The following MTSS1 variants were observed in gnomAD, a reference collection of about 807,000 sequenced individuals.
MTSS1 encodes MTSS I-BAR domain containing 1, also known as protein MTSS 1.
A neutral mutation model predicts 79.0 loss-of-function variants in MTSS1; 18 were observed. That is an observed-to-expected ratio of 0.23 (90% CI 0.16 to 0.34). MTSS1 has a LOEUF of 0.34. MTSS1 is among the 10% of genes least tolerant of loss of function. The pLI is 1.00. For missense variants in MTSS1, 815 were observed against 986.2 expected (o/e 0.83, Z 2.33); for synonymous variants, 341 against 368.6 (o/e 0.93, Z 0.86).
intron 3 of MTSS1, among the ~76,000 whole-genome samples, chr8:124,621,152 T>C (rs1384536789): frequency 2.0e-5 from 3 of 152,152 alleles, no homozygotes; most frequent in African/African-American, 7.2e-5. Flanking sequence ...AAGAAAACAA[T>C]GACAATACTG....
intron 3 of MTSS1, among the ~76,000 whole-genome samples, chr8:124,671,089 A>G (rs1014910880): frequency 1.3e-5 from 2 of 151,386 alleles, no homozygotes; most frequent in Admixed American, 6.6e-5. Context: ...CAATGCCAAT[A>G]AGCTCATTGG....
rs762340080 is a variant in MTSS1, at chr8:124,555,696, G to C, written c.1567+46C>G. On this transcript the variant is annotated intron_variant, in intron 13 of 13. Transcript: ENST00000518547. Reference sequence around the variant, plus strand: ...CCAGCAGTTTTCTATCTCCTCACCTGGTGCTGCTCAGAAAGCCTAAGTGCA... The same window carrying C: ...CCAGCAGTTTTCTATCTCCTCACCTCGTGCTGCTCAGAAAGCCTAAGTGCA... The C allele has an allele frequency of 5.2e-6, 8 of 1,524,938 alleles. 1 individual carries two copies. In the South Asian group the frequency reaches 1.0e-4, roughly 20 times the overall value. 94.5% of individuals were successfully genotyped at this position (1,524,938 alleles called of 1,614,324 possible).
At chr8:124,645,317 C>T (rs969018832) in intron 3 of MTSS1, among the ~76,000 whole-genome samples, 2 of 152,150 alleles carry the variant, frequency 1.3e-5, no homozygotes, top group African/African-American at 4.8e-5. Context: ...TGTTTGAGCC[C>T]AAGAGGTTGC....
At position 124,599,124 on chromosome 8, in the gene MTSS1, T is replaced by C. The variant is rs147410142; in HGVS notation, c.209-7889A>G. 5.8e-3 allele frequency among the ~76,000 whole-genome samples: 878 copies of C among 152,292 alleles called. 6 individuals are homozygous for C. The highest frequency in any genetic ancestry group is 0.02 in the African/African-American group (826 of 41,560). ...TGCTGATGGAAGGGACCCTGTGCGCTTGAACAGCAGCTCCCGTTCCCCCAC... is the reference window on the plus strand; with the variant it reads ...TGCTGATGGAAGGGACCCTGTGCGCCTGAACAGCAGCTCCCGTTCCCCCAC... On this transcript the variant is annotated intron_variant, in intron 3 of 13. Coordinates refer to ENST00000518547, the MANE Select transcript of MTSS1 (RefSeq NM_014751.6).
At chr8:124,663,505 G>GC (rs1563956293) in intron 3 of MTSS1, among the ~76,000 whole-genome samples, 1 of 149,212 alleles carries the variant, frequency 6.7e-6, no homozygotes, top group Non-Finnish European at 1.5e-5. Flanking sequence ...ACCCCCACCC[G>GC]CCCAATCCAT....
chr8:124,710,718 G>A (rs142347364), intron 1 of MTSS1, among the ~76,000 whole-genome samples: 65 of 152,290 alleles, frequency 4.3e-4, no homozygotes, highest in African/African-American at 1.3e-3. Context: ...GCTGGTGACC[G>A]GTGCTCCATA....
intron 3 of MTSS1, chr8:124,673,443 G>A (rs1254774154): frequency 2.6e-5 from 4 of 151,870 alleles, no homozygotes; most frequent in African/African-American, 9.7e-5. Context: ...GTAAAAGCTG[G>A]TCACAAGCAC....
At position 124,644,831 on chromosome 8, in the gene MTSS1, A is replaced by AAG. The variant is rs397790180; in HGVS notation, c.209-53597_209-53596insCT. Reference sequence around the variant, plus strand: ...CTAAGTCATCCGATTATGATTCAGTATAAGAGGGCTTAAAACATTTTATGG... The same window carrying AAG: ...CTAAGTCATCCGATTATGATTCAGTAAGTAAGAGGGCTTAAAACATTTTATGG... On this transcript the variant is annotated intron_variant, in intron 3 of 13. Transcript: ENST00000518547. 7.2e-3 allele frequency among the ~76,000 whole-genome samples: 1,099 copies of AAG among 152,170 alleles called. 7 individuals carry two copies. Among genetic ancestry groups the AAG allele is most frequent in the Non-Finnish European group, 0.01 (707 of 68,008 alleles).
In MTSS1 at chr8:124,680,256, G is replaced by A. The variant is rs61433042; in HGVS notation, c.208+19270C>T. ...TGTGTCCAAGCAGGACAACTCAATC[G>A]CAGGCTCAGGAATTAGATATTGAGA... On this transcript the variant is annotated intron_variant, in intron 3 of 13. Transcript: ENST00000518547. 1.6e-3 allele frequency among the ~76,000 whole-genome samples: 248 copies of A among 152,328 alleles called. 1 individual carries two copies. The highest frequency in any genetic ancestry group is 4.2e-3 in the African/African-American group (176 of 41,562).
chr8:124,562,373 C>T (rs924481268), intron 10 of MTSS1, among the ~76,000 whole-genome samples: 2 of 152,230 alleles, frequency 1.3e-5, no homozygotes, highest in Non-Finnish European at 2.9e-5. Context: ...ATCGGAAGCG[C>T]TATTCAACCA....
At chr8:124,612,578 G>GTGTGTGTA (rs1836037678) in intron 3 of MTSS1, among the ~76,000 whole-genome samples, 1 of 46,218 alleles carries the variant, frequency 2.2e-5, no homozygotes, top group Non-Finnish European at 3.8e-5. Context: ...TTTAAAATGT[G>GTGTGTGTA]TGTGTGTGTG....
At position 124,557,874 on chromosome 8, in the gene MTSS1, A is replaced by G. The variant is rs918450402; in HGVS notation, c.1037T>C (p.Leu346Ser). ...ACTATAGTGAGAAAACCCGTTAGAC[A>G]ACTGGAAACAAACAAAAAAAGGGGG... ...SPMPPEAPNQ[L>S]SNGFSHYSLS... The change falls in exon 11 of 14, where the codon TTG (leucine) becomes TCG (serine). Residue 346 changes from leucine to serine, a missense_variant and splice_region_variant. This residue lies in a region of MTSS1 where 590 missense variants were observed against 620.8 expected (regional missense o/e 0.95). Transcript: ENST00000518547. 1.3e-6 allele frequency: 2 copies of G among 1,575,006 alleles called. No homozygotes were observed. The highest frequency in any genetic ancestry group is 2.7e-5 in the African/African-American group (2 of 73,912).
At chr8:124,603,026 ACT>A (rs1455167317) in intron 3 of MTSS1, among the ~76,000 whole-genome samples, 2 of 151,504 alleles carry the variant, frequency 1.3e-5, no homozygotes, top group South Asian at 2.1e-4. Flanking sequence ...TGGGCATCCC[ACT>A]CTTTTTGTTC....
chr8:124,672,107 T>G (rs1207919448), intron 3 of MTSS1, among the ~76,000 whole-genome samples: 3 of 152,216 alleles, frequency 2.0e-5, no homozygotes, highest in Non-Finnish European at 2.9e-5. Flanking sequence ...GAATGTAATT[T>G]TTTCAGCATT....
Position 124,597,061 on chromosome 8 carries a change from A to G in MTSS1, c.209-5826T>C, listed in dbSNP as rs891966528. Among the ~76,000 whole-genome samples, 1 of 152,156 alleles carries G rather than the reference A, an allele frequency of 6.6e-6. No individual in the cohort carries two copies. The highest frequency in any genetic ancestry group is 6.5e-5 in the Admixed American group (1 of 15,274). On this transcript the variant is annotated intron_variant, in intron 3 of 13. Transcript: ENST00000518547. This position sits in a 1 kb window ranked among gnomAD's most constrained non-coding sequence, Gnocchi z 4.6. The stretch of plus-strand genomic sequence containing the variant: ...TCTTTCTGGGGGTGCGCCGCAGTCC[A>G]CGGCCCACATCCTACCGTGCAGCAA...
chr8:124,591,417 G>A (rs1324919372), intron 3 of MTSS1, among the ~76,000 whole-genome samples, 182 bp from the exon 4 acceptor site: 4 of 152,234 alleles, frequency 2.6e-5, no homozygotes, highest in Non-Finnish European at 5.9e-5. Flanking sequence ...ATGTATGTAC[G>A]TATGGTGACA....
chr8:124,663,856 C>A (rs965769633), intron 3 of MTSS1, among the ~76,000 whole-genome samples: 1 of 152,158 alleles, frequency 6.6e-6, no homozygotes, highest in Non-Finnish European at 1.5e-5. Flanking sequence ...GGACAGGAAA[C>A]GCCATGACAG....
At chr8:124,694,489 T>C (rs138907117) in intron 3 of MTSS1, among the ~76,000 whole-genome samples, 1 of 151,886 alleles carries the variant, frequency 6.6e-6, no homozygotes. Context: ...AATCTTAAAT[T>C]TGTTACCCTA....
At chr8:124,556,548 T>C in intron 11 of MTSS1, 143 bp from the exon 12 acceptor site, 1 of 898,258 alleles carries the variant, frequency 1.1e-6, no homozygotes, top group East Asian at 2.7e-5. Context: ...GCCCTCTGCA[T>C]GCCCTCTCCA....
Sources: allele counts gnomAD v4.1 joint callset (sites outside exome capture counted in the v4.1 genomes callset), GRCh38; gene constraint gnomAD v4.1.1; regional missense constraint gnomAD v4.1.1; non-coding constraint Gnocchi (gnomAD v3.1); transcripts MANE v1.5; gene names NCBI Gene and HGNC (gene_info 2026-07-23, HGNC 2026-07-21).